FAM120B: variants seen among roughly 807,000 people sequenced by gnomAD.
FAM120B encodes constitutive coactivator of peroxisome proliferator-activated receptor gamma.
FAM120B carries 83 observed loss-of-function variants against 96.3 expected under a neutral mutation model. The ratio of observed to expected loss-of-function variants is 0.86; its 90% CI spans 0.72 to 1.03. The LOEUF (loss-of-function observed/expected upper bound fraction) is 1.03, where lower values mean the gene tolerates loss of function less well. Among genes scored for constraint, FAM120B ranks in the 50% least tolerant of loss-of-function variants. FAM120B has a pLI of 0.00. For synonymous variants in FAM120B, 407 were observed against 402.7 expected (o/e 1.01, Z -0.13); for missense variants, 1,027 against 1,121.2 (o/e 0.92, Z 1.20).
At chr6:170,402,781 A>C (rs1167659518) in intron 9 of FAM120B, among the ~76,000 whole-genome samples, 1 of 152,232 alleles carries the variant, frequency 6.6e-6, no homozygotes, top group Non-Finnish European at 1.5e-5. Flanking sequence ...TGCAAGGCCT[A>C]AGGGAGCATG....
chr6:170,341,268 C>T (rs1583229577), intron 4 of FAM120B, among the ~76,000 whole-genome samples: 1 of 152,220 alleles, frequency 6.6e-6, no homozygotes, highest in African/African-American at 2.4e-5. Flanking sequence ...GAGTTCCGCC[C>T]AGTCCAAACT....
At chr6:170,401,895 C>T (rs1183769336) in intron 9 of FAM120B, among the ~76,000 whole-genome samples, 2 of 152,270 alleles carry the variant, frequency 1.3e-5, no homozygotes, top group African/African-American at 2.4e-5. Context: ...CTGTAGTAAA[C>T]AACCCAGGGC....
chr6:170,303,805 T>C (rs1051926127), upstream of FAM120B, among the ~76,000 whole-genome samples: 2 of 152,280 alleles, frequency 1.3e-5, no homozygotes, highest in African/African-American at 4.8e-5. Context: ...AGACATATGC[T>C]ATATCCTTTT....
chr6:170,316,526 CTCAT>C (rs1230703181), intron 1 of FAM120B, among the ~76,000 whole-genome samples: 11 of 152,256 alleles, frequency 7.2e-5, no homozygotes, highest in African/African-American at 2.6e-4. Context: ...CAATATTGTG[CTCAT>C]ACCTTTTCCA....
At chr6:170,373,123 G>A (rs549408778) in intron 6 of FAM120B, among the ~76,000 whole-genome samples, 1 of 152,288 alleles carries the variant, frequency 6.6e-6, no homozygotes, top group African/African-American at 2.4e-5. Flanking sequence ...TTACTGTCAG[G>A]TTTTAGGAAC....
chr6:170,391,078 C>G lies in FAM120B; in HGVS notation c.2556C>G (p.Asn852Lys). 1 of 1,614,222 alleles carries G rather than the reference C, an allele frequency of 6.2e-7. No homozygotes were observed. Among genetic ancestry groups the G allele is most frequent in the Non-Finnish European group, 8.5e-7 (1 of 1,180,034 alleles). ...TCTGCAAGGCCTGCATGAAGGAGAA[C>G]AGACGCATCACTGGCCGAGCCCACT... is the stretch of plus-strand genomic sequence containing the variant. ...AVVCKACMKE[N>K]RRITGRAHWG... Residue 852 changes from asparagine (N) to lysine (K), a missense_variant, in exon 8 of 11, where the codon AAC (asparagine) becomes AAG (lysine). Physicochemically the swap from Asn to Lys is moderately conservative, Grantham distance 94 (BLOSUM62 0). Coordinates refer to ENST00000476287, the MANE Select transcript of FAM120B (RefSeq NM_032448.3).
intron 6 of FAM120B, among the ~76,000 whole-genome samples, chr6:170,381,490 C>G (rs1397091407): frequency 6.6e-6 from 1 of 151,916 alleles, no homozygotes; most frequent in Non-Finnish European, 1.5e-5. Flanking sequence ...CATTCTCTTC[C>G]AGAAAATACA....
At position 170,395,589 on chromosome 6, in the gene FAM120B, C is replaced by T. The variant is rs1268665681; in HGVS notation, c.2692+10C>T. 7.6e-6 allele frequency: 12 copies of T among 1,576,426 alleles called. No individual in the cohort carries two copies. The highest frequency in any genetic ancestry group is 1.0e-5 in the Non-Finnish European group (12 of 1,159,188). On this transcript the variant is annotated intron_variant, in intron 9 of 10. Transcript: ENST00000476287. ...AGAGACCAGGGACCAGGTAAGAAGG[C>T]CAGTGGTCACTCTGCTGGGCCACCT...
intron 2 of FAM120B, 95 bp downstream of exon 2, chr6:170,319,219 A>T: frequency 8.0e-7 from 1 of 1,251,376 alleles, no homozygotes; most frequent in Non-Finnish European, 1.1e-6. Flanking sequence ...GTGTTTGGCC[A>T]CTGAGAGGAT....
chr6:170,368,230 T>G (rs1023666718), intron 6 of FAM120B, among the ~76,000 whole-genome samples: 2 of 152,210 alleles, frequency 1.3e-5, no homozygotes, highest in Non-Finnish European at 2.9e-5. Context: ...CAAGGTATAG[T>G]GCATGTCTGA....
At position 170,370,179 on chromosome 6, in the gene FAM120B, C is replaced by A. The variant is rs1355933848; in HGVS notation, c.2283+11861C>A. On this transcript the variant is annotated intron_variant, in intron 6 of 10. Coordinates refer to ENST00000476287, the MANE Select transcript of FAM120B (RefSeq NM_032448.3). The surrounding 1 kb of genome is among the most constrained non-coding windows in gnomAD (Gnocchi z 4.3). Reference sequence around the variant, plus strand: ...AGCTTTCCTGGCCCTGCTCTCTGCACCTCACAGACTTCCCCAGCGGGGCGG... The same window carrying A: ...AGCTTTCCTGGCCCTGCTCTCTGCAACTCACAGACTTCCCCAGCGGGGCGG... Among the ~76,000 whole-genome samples, 2 of 152,222 alleles carry A rather than the reference C, an allele frequency of 1.3e-5. No individual in the cohort carries two copies. The highest frequency in any genetic ancestry group is 4.8e-5 in the African/African-American group (2 of 41,454).
intron 7 of FAM120B, among the ~76,000 whole-genome samples, chr6:170,389,151 G>T (rs1790350225): frequency 1.3e-5 from 2 of 152,198 alleles, no homozygotes; most frequent in South Asian, 4.1e-4. Context: ...TCAAACCCAT[G>T]TTGTTCAAGG....
rs1170529942 is a variant in FAM120B, at chr6:170,348,176, A to G, written c.2043A>G (p.Leu681=). The stretch of plus-strand genomic sequence containing the variant: ...GGGGAACGCCTAGTTTGAAAATATT[A>G]TGGCTGAACCAAGAGCCAGAAATAC... The part of the protein sequence containing the change: ...IPGGTPSLKI[L]WLNQEPEIQV... The change falls in exon 5 of 11, where the codon TTA becomes TTG. Residue 681 remains leucine, a synonymous_variant. Transcript: ENST00000476287. 8.7e-6 allele frequency: 14 copies of G among 1,613,860 alleles called. No individual in the cohort carries two copies. Among genetic ancestry groups the G allele is most frequent in the African/African-American group, 1.3e-5 (1 of 74,910 alleles).
chr6:170,322,269 C>T (rs1341098298), intron 2 of FAM120B, among the ~76,000 whole-genome samples: 1 of 152,204 alleles, frequency 6.6e-6, no homozygotes, highest in African/African-American at 2.4e-5. Context: ...CGGCTTCTAA[C>T]ACTAAGCAGC....
At chr6:170,315,769 G>A (rs1277048791) in intron 1 of FAM120B, among the ~76,000 whole-genome samples, 1 of 152,054 alleles carries the variant, frequency 6.6e-6, no homozygotes, top group Non-Finnish European at 1.5e-5. Flanking sequence ...TCTACTGTTA[G>A]GGGCTAGAGC....
chr6:170,296,829 G>A (rs950882950), intron 1 of FAM120B, among the ~76,000 whole-genome samples: 1 of 152,308 alleles, frequency 6.6e-6, no homozygotes, highest in South Asian at 2.1e-4. Flanking sequence ...CCGCGCGGCG[G>A]CTCCTTTCCG....
At chr6:170,291,417 G>A (rs1224358779), upstream of FAM120B, among the ~76,000 whole-genome samples, 1 of 152,070 alleles carries the variant, frequency 6.6e-6, no homozygotes, top group Non-Finnish European at 1.5e-5. Flanking sequence ...AGCGTCCCGG[G>A]GGCTTGGGGA....
intron 9 of FAM120B, among the ~76,000 whole-genome samples, chr6:170,401,693 C>T (rs1778592257): frequency 6.6e-6 from 1 of 152,182 alleles, no homozygotes; most frequent in African/African-American, 2.4e-5. Context: ...CCAGAATGCT[C>T]CACAGTCCAG....
In FAM120B at chr6:170,317,543, T is replaced by C. The variant is rs150508637; in HGVS notation, c.153T>C (p.Tyr51=). The C allele has an allele frequency of 2.5e-6, 4 of 1,614,220 alleles. No individual in the cohort carries two copies. Among genetic ancestry groups the C allele is most frequent in the East Asian group, 2.2e-5 (1 of 44,890 alleles). The change falls in exon 2 of 11, where the codon TAT becomes TAC. Residue 51 remains tyrosine, a synonymous_variant. Transcript: ENST00000476287. ...TTGATGCCATGTGTTGTCTCAGATA[T>C]TGGTATACTCCAGAATCTTGGATCT... ...IVVDAMCCLR[Y]WYTPESWICG... is the part of the protein sequence containing the mutation.
Sources: gnomAD v4.1 joint callset for allele counts (sites outside exome capture counted in the v4.1 genomes callset) on GRCh38, gnomAD v4.1.1 for gene constraint, Gnocchi (gnomAD v3.1) non-coding constraint, MANE v1.5 for transcripts, NCBI Gene and HGNC (gene_info 2026-07-23, HGNC 2026-07-21) for gene names.